GALNTL5: variants seen among roughly 807,000 people sequenced by gnomAD.
GALNTL5 encodes polypeptide N-acetylgalactosaminyltransferase like 5, also known as inactive polypeptide N-acetylgalactosaminyltransferase-like protein 5.
In GALNTL5, 44 loss-of-function variants were observed where a neutral mutation model predicts 51.0. The observed-to-expected ratio is 0.86, with a 90% CI of 0.68 to 1.11. The LOEUF is 1.11. Among genes scored for constraint, GALNTL5 ranks in the 50% least tolerant of loss-of-function variants. The pLI is 0.00. For missense variants in GALNTL5, 528 were observed against 531.8 expected, an observed-to-expected ratio of 0.99 and a Z score of 0.07; for synonymous variants, 192 against 182.8, an observed-to-expected ratio of 1.05 and a Z score of -0.41.
At chr7:151,976,253 T>C (rs2081203657) in intron 3 of GALNTL5, among the ~76,000 whole-genome samples, 1 of 152,172 alleles carries the variant, frequency 6.6e-6, no homozygotes, top group African/African-American at 2.4e-5. Flanking sequence ...TTCTCTGACG[T>C]TGGGTGCAGA....
chr7:152,014,750 A>G lies in GALNTL5; in HGVS notation c.1133A>G (p.His378Arg), dbSNP rs1208178199. ...TCTACAATCATCAGTGCTATGACACATAACTACCTAAGACTGGTGCACGTT... is the reference window on the plus strand; with the variant it reads ...TCTACAATCATCAGTGCTATGACACGTAACTACCTAAGACTGGTGCACGTT... The part of the protein sequence containing the change: ...KPSTIISAMT[H>R]NYLRLVHVWL... The change falls in exon 8 of 9, where the codon CAT (histidine) becomes CGT (arginine). Residue 378 changes from histidine (H) to arginine (R), a missense_variant. By Grantham distance (29) the His-to-Arg change is conservative (BLOSUM62 0). Coordinates refer to ENST00000392800, the MANE Select transcript of GALNTL5 (RefSeq NM_145292.4). 4.3e-6 allele frequency: 7 copies of G among 1,613,782 alleles called. No individual in the cohort carries two copies. The East Asian group carries it at 1.1e-4, about 26-fold the overall frequency.
intron 7 of GALNTL5, among the ~76,000 whole-genome samples, chr7:152,009,117 GA>G (rs2081695511): frequency 6.6e-6 from 1 of 152,166 alleles, no homozygotes; most frequent in Admixed American, 6.5e-5. Context: ...TTTTTATAAA[GA>G]AGTATGTAAA....
intron 8 of GALNTL5, among the ~76,000 whole-genome samples, chr7:152,016,880 CA>C (rs891195127): frequency 4.7e-5 from 7 of 150,424 alleles, no homozygotes; most frequent in Non-Finnish European, 1.5e-5. Flanking sequence ...ACTAAAAATA[CA>C]AAAAAAATTA....
At chr7:151,960,537 C>T (rs6464188) in intron 1 of GALNTL5, 33,059 of 152,268 alleles carry the variant, frequency 0.22, 4,123 homozygotes, top group Admixed American at 0.32. Flanking sequence ...CGGAGCAGAT[C>T]TGGGGACAAA....
At chr7:151,957,034 C>G (rs979537216) in intron 1 of GALNTL5, among the ~76,000 whole-genome samples, 1 of 151,006 alleles carries the variant, frequency 6.6e-6, no homozygotes, top group Non-Finnish European at 1.5e-5. Flanking sequence ...AAACTGGGCA[C>G]GGCAGCTGGC....
Position 152,007,832 on chromosome 7 carries a change from C to T in GALNTL5, c.914C>T (p.Pro305Leu), listed in dbSNP as rs376699695. 28 of 1,581,222 alleles carry T rather than the reference C, an allele frequency of 1.8e-5. No homozygotes were observed. The highest frequency in any genetic ancestry group is 2.2e-5 in the South Asian group (2 of 90,124). Residue 305 changes from proline (P) to leucine (L), a missense_variant, in exon 7 of 9, where the codon CCT becomes CTT. By Grantham distance (98) the Pro-to-Leu change is moderately conservative. Coordinates refer to ENST00000392800, the MANE Select transcript of GALNTL5 (RefSeq NM_145292.4). ...PEGSTKPIRSPAMSGGIFAIR... is the reference protein window; with the variant it reads ...PEGSTKPIRSLAMSGGIFAIR... ...TATTTATGTCCCCTTTCTAGGTCAC[C>T]TGCAATGTCTGGAGGAATTTTTGCT...
At chr7:151,957,075 G>T (rs1406141194) in intron 1 of GALNTL5, among the ~76,000 whole-genome samples, 2 of 151,110 alleles carry the variant, frequency 1.3e-5, no homozygotes, top group East Asian at 3.9e-4. Context: ...GGAGGCTAAG[G>T]TGGCAGGACC....
At chr7:151,958,878 G>A (rs907203008) in intron 1 of GALNTL5, among the ~76,000 whole-genome samples, 1 of 152,196 alleles carries the variant, frequency 6.6e-6, no homozygotes, top group African/African-American at 2.4e-5. Flanking sequence ...TCCAAAGTGG[G>A]TAGCCCTCTG....
chr7:151,980,936 G>C (rs991207883), intron 3 of GALNTL5, among the ~76,000 whole-genome samples: 2 of 151,512 alleles, frequency 1.3e-5, no homozygotes, highest in African/African-American at 2.4e-5. Context: ...TAGTAGAGAC[G>C]GGGTTTCACC....
chr7:151,958,630 CTGG>C (rs76368989), intron 1 of GALNTL5, among the ~76,000 whole-genome samples: 33,779 of 151,888 alleles, frequency 0.22, 4,276 homozygotes, highest in African/African-American at 0.32. Context: ...CTCCAGCCCA[CTGG>C]TGCTCCTAGG....
chr7:152,016,931 G>A (rs1461461755), intron 8 of GALNTL5, among the ~76,000 whole-genome samples: 3 of 151,662 alleles, frequency 2.0e-5, no homozygotes, highest in Admixed American at 1.3e-4. Flanking sequence ...CCAGCTACTC[G>A]GGAGGCTGAA....
rs201590087 is a variant in GALNTL5, at chr7:151,983,158, A to T, written c.535+6A>T. 13 of 1,606,594 alleles carry T rather than the reference A, an allele frequency of 8.1e-6. No homozygotes were observed. In the East Asian group the frequency reaches 2.9e-4, roughly 36 times the overall value. ...AGATGACATGAGCAAAGTTGGTAAG[A>T]TAGAACACTCATTATCTCATCTACT... On this transcript the variant is annotated splice_donor_region_variant and intron_variant, in intron 4 of 8. Transcript: ENST00000392800.
At position 151,981,607 on chromosome 7, in the gene GALNTL5, C is replaced by T. The variant is rs200457468; in HGVS notation, c.369-1379C>T. Reference sequence around the variant, plus strand: ...CTTCCTTCCCTCCTTCCTTCCTTCCCTCCTTCCTTCCTTCCTTCCTTCCTC... The same window carrying T: ...CTTCCTTCCCTCCTTCCTTCCTTCCTTCCTTCCTTCCTTCCTTCCTTCCTC... On this transcript the variant is annotated intron_variant, in intron 3 of 8. Transcript: ENST00000392800. Among the ~76,000 whole-genome samples, 83 of 56,540 alleles carry T rather than the reference C, an allele frequency of 1.5e-3. 2 individuals are homozygous for T. Among genetic ancestry groups the T allele is most frequent in the African/African-American group, 3.5e-3 (39 of 11,276 alleles). The allele number at this position is 56,540 out of a possible 152,430, so 37.1% of individuals were successfully genotyped here. A position where few individuals can be genotyped will look rare whatever the true frequency, so the allele number is the denominator to read the frequency against.
At chr7:152,000,558 T>G (rs1212633697) in intron 5 of GALNTL5, among the ~76,000 whole-genome samples, 1 of 152,172 alleles carries the variant, frequency 6.6e-6, no homozygotes, top group Non-Finnish European at 1.5e-5. Flanking sequence ...GTGTTTCAAT[T>G]TCTCCACCAC....
chr7:152,010,152 C>T (rs1245774698), intron 7 of GALNTL5, among the ~76,000 whole-genome samples: 1 of 151,202 alleles, frequency 6.6e-6, no homozygotes, highest in Non-Finnish European at 1.5e-5. Flanking sequence ...CTTGCTCTGT[C>T]GCCAGGCTGG....
chr7:151,979,107 T>C (rs10278519), intron 3 of GALNTL5, among the ~76,000 whole-genome samples: 458 of 15,998 alleles, frequency 0.029, 29 homozygotes, highest in Middle Eastern at 0.058. Flanking sequence ...ACTTTTACTC[T>C]TTTTTTTTTT....
chr7:152,010,109 A>T (rs1012524371), intron 7 of GALNTL5, among the ~76,000 whole-genome samples: 14 of 151,248 alleles, frequency 9.3e-5, no homozygotes, highest in African/African-American at 3.2e-4. Context: ...ACACAATACG[A>T]AAGTGGCTTC....
intron 5 of GALNTL5, among the ~76,000 whole-genome samples, chr7:151,997,688 C>T (rs1242806012): frequency 1.3e-5 from 2 of 151,920 alleles, no homozygotes; most frequent in Non-Finnish European, 2.9e-5. Flanking sequence ...CTCAAAGTTG[C>T]AAATATTTAA....
intron 5 of GALNTL5, among the ~76,000 whole-genome samples, chr7:151,998,623 T>C (rs1443885092): frequency 6.6e-6 from 1 of 151,910 alleles, no homozygotes; most frequent in South Asian, 2.1e-4. Flanking sequence ...AATACAAAAA[T>C]TAGCTGGACA....
Sources: gnomAD v4.1 joint callset for allele counts (sites outside exome capture counted in the v4.1 genomes callset) on GRCh38, gnomAD v4.1.1 for gene constraint, MANE v1.5 for transcripts, NCBI Gene and HGNC (gene_info 2026-07-23, HGNC 2026-07-21) for gene names.